TMEM250: variants seen among roughly 807,000 people sequenced by gnomAD.
TMEM250 encodes the protein herpes virus UL25-binding protein.
Under a neutral mutation model 7.0 loss-of-function variants are expected in TMEM250, and 7 were observed. That is an observed-to-expected ratio of 1.00 (90% CI 0.57 to 1.87). The LOEUF is 1.87. TMEM250 is among the 40% of genes most tolerant of loss of function. TMEM250 has a pLI of 0.00. For missense variants in TMEM250, 196 were observed against 202.5 expected (o/e 0.97, Z 0.19); for synonymous variants, 135 against 96.7 (o/e 1.40, Z -2.32).
chr9:136,117,834 C>T (rs1245496845), intron 1 of TMEM250: 1 of 152,354 alleles, frequency 6.6e-6, no homozygotes, highest in Non-Finnish European at 1.5e-5. Flanking sequence ...GCATTTGGCT[C>T]TCCAGCTTCA....
In TMEM250 at chr9:136,116,954, G is replaced by A. The variant is rs954659867; in HGVS notation, c.-54C>T. ...GCAGTGGCGGCGGCGGTGTCCAGGC[G>A]GCTGTTGGCGTAGGGGTCATGGGCG... is the stretch of plus-strand genomic sequence containing the variant. On this transcript the variant is annotated 5_prime_UTR_variant, in exon 2 of 2. Coordinates refer to ENST00000418388, the MANE Select transcript of TMEM250 (RefSeq NM_152833.3). 6 of 1,408,574 alleles carry A rather than the reference G, an allele frequency of 4.3e-6. No individual in the cohort carries two copies. The highest frequency in any genetic ancestry group is 6.6e-5 in the Admixed American group (2 of 30,314). 87.3% of individuals were successfully genotyped at this position (1,408,574 alleles called of 1,614,324 possible). A position where few individuals can be genotyped will look rare whatever the true frequency, so the allele number is the denominator to read the frequency against.
chr9:136,117,989 G>A (rs1830744915), intron 1 of TMEM250: 2 of 152,280 alleles, frequency 1.3e-5, no homozygotes, highest in Admixed American at 6.5e-5. Context: ...ATTCAGCCTG[G>A]GGCCCTGCCG....
chr9:136,116,262 CCT>C lies in TMEM250; in HGVS notation c.*217_*218del, dbSNP rs1178106910. 5.2e-6 allele frequency: 5 copies of C among 954,884 alleles called. No individual in the cohort carries two copies. The highest frequency in any genetic ancestry group is 4.9e-5 in the African/African-American group (3 of 60,634). 59.2% of individuals were successfully genotyped at this position (954,884 alleles called of 1,614,324 possible). On this transcript the variant is annotated 3_prime_UTR_variant, in exon 2 of 2. Coordinates refer to ENST00000418388, the MANE Select transcript of TMEM250 (RefSeq NM_152833.3). The stretch of plus-strand genomic sequence containing the variant: ...GAGCCACCGGCAGGTGGGCGCTGCC[CCT>C]GAGAGTGCATACGGGGAGGGTGGGT...
Position 136,114,916 on chromosome 9 carries a change from C to T in TMEM250, c.*1565G>A, listed in dbSNP as rs924411614. On this transcript the variant is annotated 3_prime_UTR_variant, in exon 2 of 2. Coordinates refer to ENST00000418388, the MANE Select transcript of TMEM250 (RefSeq NM_152833.3). ...CCCGCCTACCTGCCCAGGGCGTGGACGCAGCCCGGGCTCATCAGAGGTCAT... is the reference window on the plus strand; with the variant it reads ...CCCGCCTACCTGCCCAGGGCGTGGATGCAGCCCGGGCTCATCAGAGGTCAT... The T allele has an allele frequency of 6.6e-6, 1 of 152,276 alleles. No individual in the cohort carries two copies. Among genetic ancestry groups the T allele is most frequent in the African/African-American group, 2.4e-5 (1 of 41,472 alleles). 9.4% of individuals were successfully genotyped at this position (152,276 alleles called of 1,614,324 possible). A position where few individuals can be genotyped will look rare whatever the true frequency, so the allele number is the denominator to read the frequency against.
chr9:136,116,009 G>A lies in TMEM250; in HGVS notation c.*472C>T, dbSNP rs1257587745. The A allele has an allele frequency of 9.8e-6, 4 of 406,276 alleles. No homozygotes were observed. The highest frequency in any genetic ancestry group is 1.7e-5 in the Non-Finnish European group (4 of 231,454). 25.2% of individuals were successfully genotyped at this position (406,276 alleles called of 1,614,324 possible). Reference sequence around the variant, plus strand: ...TGGCAGTGTGGTGTGTCAGCGAGGGGAGCCTTCCGTGTCCCGTTGGCTGGG... The same window carrying A: ...TGGCAGTGTGGTGTGTCAGCGAGGGAAGCCTTCCGTGTCCCGTTGGCTGGG... On this transcript the variant is annotated 3_prime_UTR_variant, in exon 2 of 2. Coordinates refer to ENST00000418388, the MANE Select transcript of TMEM250 (RefSeq NM_152833.3).
chr9:136,117,539 G>A (rs1188896399), intron 1 of TMEM250, among the ~76,000 whole-genome samples: 2 of 152,264 alleles, frequency 1.3e-5, no homozygotes, highest in African/African-American at 4.8e-5. Flanking sequence ...AAACGAGCCC[G>A]GCGGGAGCAG....
chr9:136,116,636 G>GC lies in TMEM250; in HGVS notation c.264dup (p.Arg89AlafsTer100), dbSNP rs759732009. On this transcript the variant is annotated frameshift_variant, in exon 2 of 2. Coordinates refer to ENST00000418388, the MANE Select transcript of TMEM250 (RefSeq NM_152833.3). LOFTEE classifies it high-confidence loss of function. ...AGCACCGACAGCTTGCGCTGGAAGC[G>GC]CAGCAGGACGCGAACGCCCAGGTAC... 65 of 1,610,136 alleles carry GC rather than the reference G, an allele frequency of 4.0e-5. No individual in the cohort carries two copies. Among genetic ancestry groups the GC allele is most frequent in the Non-Finnish European group, 5.4e-5 (64 of 1,179,650 alleles).
At position 136,116,470 on chromosome 9, in the gene TMEM250, A is replaced by G. The variant is rs1207518270; in HGVS notation, c.*11T>C. ...GGCCGGGACGATACATCAAGCTCGC[A>G]CCCACGGCCCTCACATGTCCACGAA... is the stretch of plus-strand genomic sequence containing the variant. On this transcript the variant is annotated 3_prime_UTR_variant, in exon 2 of 2. Coordinates refer to ENST00000418388, the MANE Select transcript of TMEM250 (RefSeq NM_152833.3). 1 of 1,524,024 alleles carries G rather than the reference A, an allele frequency of 6.6e-7. No individual in the cohort carries two copies. Among genetic ancestry groups the G allele is most frequent in the Non-Finnish European group, 8.8e-7 (1 of 1,138,670 alleles). The allele number at this position is 1,524,024 out of a possible 1,614,324, so 94.4% of individuals were successfully genotyped here.
In TMEM250 at chr9:136,116,239, G is replaced by GCCAC; in HGVS notation, c.*238_*241dup. 1.4e-6 allele frequency: 1 copy of GCCAC among 730,508 alleles called. No homozygotes were observed. The allele number at this position is 730,508 out of a possible 1,614,324, so 45.3% of individuals were successfully genotyped here. A position where few individuals can be genotyped will look rare whatever the true frequency, so the allele number is the denominator to read the frequency against. ...ACGACCCGAAGACATGTGAGCAGGA[G>GCCAC]CCACCGGCAGGTGGGCGCTGCCCCT... On this transcript the variant is annotated 3_prime_UTR_variant, in exon 2 of 2. Coordinates refer to ENST00000418388, the MANE Select transcript of TMEM250 (RefSeq NM_152833.3).
rs1372152927 is a variant in TMEM250 at position 136,116,231 on chromosome 9, G to A, written c.*250C>T. ...CCCGCAGTACGACCCGAAGACATGT[G>A]AGCAGGAGCCACCGGCAGGTGGGCG... On this transcript the variant is annotated 3_prime_UTR_variant, in exon 2 of 2. Coordinates refer to ENST00000418388, the MANE Select transcript of TMEM250 (RefSeq NM_152833.3). 1.5e-6 allele frequency: 1 copy of A among 682,628 alleles called. No individual in the cohort carries two copies. The highest frequency in any genetic ancestry group is 2.3e-6 in the Non-Finnish European group (1 of 426,710). 42.3% of individuals were successfully genotyped at this position (682,628 alleles called of 1,614,324 possible).
chr9:136,118,515 C>T lies in TMEM250; in HGVS notation c.-155G>A, dbSNP rs1716344690. 1 of 151,746 alleles carries T rather than the reference C, an allele frequency of 6.6e-6. No individual in the cohort carries two copies. 9.4% of individuals were successfully genotyped at this position (151,746 alleles called of 1,614,324 possible). ...GCCCTCTCCGCGGCGGCGCCGGCGT[C>T]CCGGACCTCGGGGCCGGCCGGCGGT... On this transcript the variant is annotated 5_prime_UTR_variant, in exon 1 of 2. Coordinates refer to ENST00000418388, the MANE Select transcript of TMEM250 (RefSeq NM_152833.3).
At chr9:136,117,103 T>A in intron 1 of TMEM250, 79 bp from the exon 2 acceptor site, 2 of 855,362 alleles carry the variant, frequency 2.3e-6, no homozygotes, top group Non-Finnish European at 3.2e-6. Context: ...CTGGCGAAAG[T>A]GGACACAAAC....
chr9:136,116,502 G>C lies in TMEM250; in HGVS notation c.399C>G (p.Phe133Leu). The change falls in exon 2 of 2, where the codon TTC becomes TTG. Residue 133 changes from phenylalanine (F) to leucine (L), a missense_variant. Physicochemically the swap from Phe to Leu is conservative, Grantham distance 22. Coordinates refer to ENST00000418388, the MANE Select transcript of TMEM250 (RefSeq NM_152833.3). ...MLLVGGLGWC[F>L]MVFVDM ...GCCCTCACATGTCCACGAAGACCAT[G>C]AAGCACCAGCCCAGGCCCCCGACCA... is the stretch of plus-strand genomic sequence containing the variant. 3 of 1,561,388 alleles carry C rather than the reference G, an allele frequency of 1.9e-6. No individual in the cohort carries two copies. The highest frequency in any genetic ancestry group is 1.7e-4 in the Middle Eastern group (1 of 5,932).
chr9:136,116,907 C>T lies in TMEM250; in HGVS notation c.-7G>A. On this transcript the variant is annotated 5_prime_UTR_variant, in exon 2 of 2. Coordinates refer to ENST00000418388, the MANE Select transcript of TMEM250 (RefSeq NM_152833.3). ...GAATGGGCATGACCGGCATTGGGCC[C>T]CGGCGGCGGCGGCGCTAGGTCGCAG... 2 of 1,498,234 alleles carry T rather than the reference C, an allele frequency of 1.3e-6. No homozygotes were observed. The highest frequency in any genetic ancestry group is 1.8e-6 in the Non-Finnish European group (2 of 1,129,602). The allele number at this position is 1,498,234 out of a possible 1,614,324, so 92.8% of individuals were successfully genotyped here.
rs1459086057 is a variant in TMEM250 at position 136,116,956 on chromosome 9, C to T, written c.-56G>A. 2 of 1,407,048 alleles carry T rather than the reference C, an allele frequency of 1.4e-6. No individual in the cohort carries two copies. The highest frequency in any genetic ancestry group is 1.5e-5 in the African/African-American group (1 of 66,114). 87.2% of individuals were successfully genotyped at this position (1,407,048 alleles called of 1,614,324 possible). On this transcript the variant is annotated 5_prime_UTR_variant, in exon 2 of 2. Transcript: ENST00000418388. ...AGTGGCGGCGGCGGTGTCCAGGCGG[C>T]TGTTGGCGTAGGGGTCATGGGCGCC...
Position 136,116,147 on chromosome 9 carries a change from G to T in TMEM250, c.*334C>A. 1 of 471,186 alleles carries T rather than the reference G, an allele frequency of 2.1e-6. No individual in the cohort carries two copies. The highest frequency in any genetic ancestry group is 3.7e-6 in the Non-Finnish European group (1 of 269,360). The allele number at this position is 471,186 out of a possible 1,614,324, so 29.2% of individuals were successfully genotyped here. ...GGGGCCTCCCAGGGTGATGTCTAAA[G>T]TCCCTGGCAGCTGTGGTCCTGGAGA... On this transcript the variant is annotated 3_prime_UTR_variant, in exon 2 of 2. Coordinates refer to ENST00000418388, the MANE Select transcript of TMEM250 (RefSeq NM_152833.3).
In TMEM250 at chr9:136,116,678, C is replaced by T. The variant is rs1403200039; in HGVS notation, c.223G>A (p.Ala75Thr). ...FTAALWGALA[A>T]LFCLQYLGVR... is the part of the protein sequence containing the mutation. ...CCCAGGTACTGTAGGCAGAAGAGGG[C>T]GGCCAGCGCACCCCAGAGCGCCGCA... Residue 75 changes from alanine (A) to threonine (T), a missense_variant, in exon 2 of 2, where the codon GCC becomes ACC. Physicochemically the swap from Ala to Thr is moderately conservative, Grantham distance 58. Transcript: ENST00000418388. The T allele has an allele frequency of 1.2e-6, 2 of 1,612,034 alleles. No homozygotes were observed. The highest frequency in any genetic ancestry group is 2.7e-5 in the African/African-American group (2 of 74,930).
At chr9:136,117,110 A>C in intron 1 of TMEM250, 86 bp from the exon 2 acceptor site, 1 of 760,420 alleles carries the variant, frequency 1.3e-6, no homozygotes, top group Non-Finnish European at 1.9e-6. Flanking sequence ...AAGTGGACAC[A>C]AACTCCAGCA....
rs1235972997 is a variant in TMEM250, at chr9:136,115,859, T to A, written c.*622A>T. ...CCCCCGCTAGACTGCATCTACACAA[T>A]CCAAGGGGACCCTGAAGGCTGGCTG... is the stretch of plus-strand genomic sequence containing the variant. On this transcript the variant is annotated 3_prime_UTR_variant, in exon 2 of 2. Coordinates refer to ENST00000418388, the MANE Select transcript of TMEM250 (RefSeq NM_152833.3). 1.2e-4 allele frequency: 41 copies of A among 350,940 alleles called. No homozygotes were observed. The highest frequency in any genetic ancestry group is 2.0e-4 in the Non-Finnish European group (40 of 196,422). 21.7% of individuals were successfully genotyped at this position (350,940 alleles called of 1,614,324 possible).
Sources: gnomAD v4.1 joint callset for allele counts (sites outside exome capture counted in the v4.1 genomes callset) on GRCh38, gnomAD v4.1.1 for gene constraint, MANE v1.5 for transcripts, NCBI Gene and HGNC (gene_info 2026-07-23, HGNC 2026-07-21) for gene names.